The following CDKN2A variants were observed in gnomAD, a reference collection of about 807,000 sequenced individuals.
CDKN2A encodes the protein cyclin dependent kinase inhibitor 2A.
In CDKN2A, 3 loss-of-function variants were observed where a neutral mutation model predicts 11.1. That is an observed-to-expected ratio of 0.27 (90% CI 0.12 to 0.70). CDKN2A has a LOEUF of 0.70. Among genes scored for constraint, CDKN2A ranks in the 30% least tolerant of loss-of-function variants. The pLI, the probability that CDKN2A is intolerant of heterozygous loss-of-function variation, is 0.77. For synonymous variants in CDKN2A, 122 were observed against 108.1 expected (o/e 1.13, Z -0.80); for missense variants, 265 against 233.6 (o/e 1.13, Z -0.88).
rs373665640 is a variant in CDKN2A at position 21,980,990 on chromosome 9, G to GTATA, written c.-3-9786_-3-9783dup. ...AAAAAATGTATATATATATATACACGTATATATATATACGTGTATATATAT... is the reference window on the plus strand; with the variant it reads ...AAAAAATGTATATATATATATACACGTATATATATATATATACGTGTATATATAT... On this transcript the variant is annotated intron_variant, in intron 2 of 3. Coordinates refer to the CDKN2A transcript ENST00000494262. Among the ~76,000 whole-genome samples, 4 of 4,052 alleles carry GTATA rather than the reference G, an allele frequency of 9.9e-4. 2 individuals carry two copies. The highest frequency in any genetic ancestry group is 0.056 in the East Asian group (2 of 36). The allele number at this position is 4,052 out of a possible 152,430, so 2.7% of individuals were successfully genotyped here.
At position 21,968,407 on chromosome 9, in the gene CDKN2A, C is replaced by G; in HGVS notation, c.458-165G>C. 3 of 976,774 alleles carry G rather than the reference C, an allele frequency of 3.1e-6. No individual in the cohort carries two copies. The highest frequency in any genetic ancestry group is 1.2e-6 in the Non-Finnish European group (1 of 821,988). The allele number at this position is 976,774 out of a possible 1,614,324, so 60.5% of individuals were successfully genotyped here. On this transcript the variant is annotated intron_variant, in intron 2 of 2. Transcript: ENST00000304494. The surrounding 1 kb of genome is among the most constrained non-coding windows in gnomAD (Gnocchi z 4.7). ...ACCCGCCGCCACCGCTCTCCCACACCTCCCTGGTCCAGCAGCTAGTCCACT... is the reference window on the plus strand; with the variant it reads ...ACCCGCCGCCACCGCTCTCCCACACGTCCCTGGTCCAGCAGCTAGTCCACT...
chr9:21,990,943 G>A (rs189459775), intron 2 of CDKN2A, among the ~76,000 whole-genome samples: 4 of 152,302 alleles, frequency 2.6e-5, no homozygotes, highest in Admixed American at 2.0e-4. Flanking sequence ...TCTTGATGGT[G>A]AAGTGTTTAA....
chr9:21,990,258 T>C (rs908304026), intron 2 of CDKN2A, among the ~76,000 whole-genome samples: 1 of 152,016 alleles, frequency 6.6e-6, no homozygotes, highest in Non-Finnish European at 1.5e-5. Flanking sequence ...AGCTACGGAT[T>C]TATGGGTTTT....
Position 21,994,283 on chromosome 9 carries a change from G to A in CDKN2A, c.-175-230C>T, listed in dbSNP as rs3731190. 13 of 1,603,884 alleles carry A rather than the reference G, an allele frequency of 8.1e-6. No individual in the cohort carries two copies. In the South Asian group the frequency reaches 1.2e-4, roughly 15 times the overall value. On this transcript the variant is annotated intron_variant, in intron 1 of 3. Coordinates refer to the CDKN2A transcript ENST00000494262. The stretch of plus-strand genomic sequence containing the variant: ...ACCACGAAAACCCTCACTCGCGGCG[G>A]GCCGCACGCGCGCCGAATCCGGAGG...
intron 1 of CDKN2A, 189 bp from the exon 2 acceptor site, chr9:21,971,397 TTCCATTATA>T: frequency 6.9e-7 from 1 of 1,450,352 alleles, no homozygotes; most frequent in Non-Finnish European, 9.0e-7. Flanking sequence ...ACACAATGAA[TTCCATTATA>T]TCCTCCGAAC....
In CDKN2A at chr9:21,968,528, G is replaced by A; in HGVS notation, c.458-286C>T. ...GCGCGACCGCGCGGCCCGCAGGGTT[G>A]CAAGAAGAAAACGAGTGTTATATAA... On this transcript the variant is annotated intron_variant, in intron 2 of 2. Coordinates refer to ENST00000304494, the MANE Select transcript of CDKN2A (RefSeq NM_000077.5). This position sits in a 1 kb window ranked among gnomAD's most constrained non-coding sequence, Gnocchi z 4.7. 6.9e-7 allele frequency: 1 copy of A among 1,450,616 alleles called. No individual in the cohort carries two copies. The highest frequency in any genetic ancestry group is 1.5e-5 in the South Asian group (1 of 68,542). The allele number at this position is 1,450,616 out of a possible 1,614,324, so 89.9% of individuals were successfully genotyped here.
At chr9:21,978,752 T>C (rs893905158), upstream of CDKN2A, among the ~76,000 whole-genome samples, 2 of 152,142 alleles carry the variant, frequency 1.3e-5, no homozygotes, top group Non-Finnish European at 2.9e-5. Context: ...TTCAACAAGC[T>C]CAGAAACTAA....
At chr9:21,987,132 G>A (rs976434060) in intron 2 of CDKN2A, among the ~76,000 whole-genome samples, 3 of 151,772 alleles carry the variant, frequency 2.0e-5, no homozygotes, top group Non-Finnish European at 4.4e-5. Context: ...TCTTATAATT[G>A]TTACTTTTTA....
At chr9:21,985,291 A>G (rs1820275333) in intron 2 of CDKN2A, among the ~76,000 whole-genome samples, 1 of 151,940 alleles carries the variant, frequency 6.6e-6, no homozygotes, top group African/African-American at 2.4e-5. Context: ...AAAGCATACT[A>G]TTTAGTGTAT....
At chr9:21,994,004 G>A (rs1056674080) in exon 2 of CDKN2A, 4 of 974,142 alleles carry the variant, frequency 4.1e-6, no homozygotes, top group Non-Finnish European at 6.3e-6. Flanking sequence ...GTTGTAACCC[G>A]AATGGGGAAG....
At chr9:21,993,667 C>A (rs1820493876) in intron 2 of CDKN2A, among the ~76,000 whole-genome samples, 1 of 152,150 alleles carries the variant, frequency 6.6e-6, no homozygotes, top group Admixed American at 6.5e-5. Context: ...GTCCTCCACT[C>A]TCCTGGAAGG....
At chr9:21,983,975 C>G (rs1054410632) in intron 2 of CDKN2A, among the ~76,000 whole-genome samples, 5 of 151,908 alleles carry the variant, frequency 3.3e-5, no homozygotes, top group African/African-American at 1.2e-4. Context: ...AAATTTACCC[C>G]ATAAGGTTAC....
upstream of CDKN2A, among the ~76,000 whole-genome samples, chr9:21,976,378 CAAAAA>C (rs71336505): frequency 2.4e-5 from 3 of 124,200 alleles, no homozygotes; most frequent in Non-Finnish European, 5.1e-5. Flanking sequence ...GACTCCGACT[CAAAAA>C]AAAAAAAAAA....
In CDKN2A at chr9:21,974,715, G is replaced by C; in HGVS notation, c.113C>G (p.Pro38Arg). ...CCGACCGTAACTATTCGGTGCGTTG[G>C]GCAGCGCCCCCGCCTCCAGCAGCGC... Reference protein sequence around the residue: ...VRALLEAGALPNAPNSYGRRP... With the variant: ...VRALLEAGALRNAPNSYGRRP... Residue 38 changes from proline to arginine, a missense_variant, in exon 1 of 3, where the codon CCC (proline) becomes CGC (arginine). Coordinates refer to ENST00000304494, the MANE Select transcript of CDKN2A (RefSeq NM_000077.5). This position sits in a 1 kb window ranked among gnomAD's most constrained non-coding sequence, Gnocchi z 5.2. 6.2e-7 allele frequency: 1 copy of C among 1,612,098 alleles called. No homozygotes were observed. The highest frequency in any genetic ancestry group is 8.5e-7 in the Non-Finnish European group (1 of 1,179,830).
rs539542856 is a variant in CDKN2A at position 21,986,567 on chromosome 9, C to T, written c.-4+7315G>A. Among the ~76,000 whole-genome samples, 3 of 151,942 alleles carry T rather than the reference C, an allele frequency of 2.0e-5. No homozygotes were observed. The South Asian group carries it at 6.2e-4, about 32-fold the overall frequency. On this transcript the variant is annotated intron_variant, in intron 2 of 3. Transcript: ENST00000494262. ...TACTAGTCAATGACTTTTGGTAGGC[C>T]ATGCAACCTATCTGAGCCTCAGTCT...
Position 21,971,208 on chromosome 9 carries a change from C to G in CDKN2A, c.151G>C (p.Val51Leu), listed in dbSNP as rs762630679. ...ACTCGGGCGCTGCCCATCATCATGA[C>G]CTGCCAGAGAGAACAGAATGGTCAG... is the stretch of plus-strand genomic sequence containing the variant. The part of the protein sequence containing the change: ...PNSYGRRPIQ[V>L]MMMGSARVAE... Residue 51 changes from valine (V) to leucine (L), a missense_variant and splice_region_variant, in exon 2 of 3, where the codon GTC becomes CTC. Physicochemically the swap from Val to Leu is conservative, Grantham distance 32 (BLOSUM62 1). Transcript: ENST00000304494. 5 of 1,597,488 alleles carry G rather than the reference C, an allele frequency of 3.1e-6. No homozygotes were observed. In the South Asian group the frequency reaches 5.5e-5, roughly 18 times the overall value.
chr9:21,986,379 C>G (rs893734782), intron 2 of CDKN2A, among the ~76,000 whole-genome samples: 1 of 151,878 alleles, frequency 6.6e-6, no homozygotes, highest in African/African-American at 2.4e-5. Context: ...TCCTTTCAAC[C>G]AATAAATATT....
rs771582621 is a variant in CDKN2A, at chr9:21,974,815, C to T, written c.13G>A (p.Ala5Thr). 3.7e-6 allele frequency: 6 copies of T among 1,600,602 alleles called. No homozygotes were observed. Among genetic ancestry groups the T allele is most frequent in the Non-Finnish European group, 5.1e-6 (6 of 1,177,040 alleles). The part of the protein sequence containing the change: MEPA[A>T]GSSMEPSADW... ...GCCGAAGGCTCCATGCTGCTCCCCGCCGCCGGCTCCATGCTGCTCCCCGCC... is the reference window on the plus strand; with the variant it reads ...GCCGAAGGCTCCATGCTGCTCCCCGTCGCCGGCTCCATGCTGCTCCCCGCC... The change falls in exon 1 of 3, where the codon GCG becomes ACG. Residue 5 changes from alanine to threonine, a missense_variant. By Grantham distance (58) the Ala-to-Thr change is moderately conservative. Coordinates refer to ENST00000304494, the MANE Select transcript of CDKN2A (RefSeq NM_000077.5). The surrounding 1 kb of genome is among the most constrained non-coding windows in gnomAD (Gnocchi z 5.2).
intron 1 of CDKN2A, among the ~76,000 whole-genome samples, chr9:21,973,393 C>A (rs1316245955): frequency 5.9e-5 from 9 of 152,216 alleles, no homozygotes; most frequent in Non-Finnish European, 1.5e-5. Context: ...AAGCCAACAT[C>A]ATTTCCCCTT....
Sources: allele counts gnomAD v4.1 joint callset (sites outside exome capture counted in the v4.1 genomes callset), GRCh38; gene constraint gnomAD v4.1.1; non-coding constraint Gnocchi (gnomAD v3.1); transcripts MANE v1.5; gene names NCBI Gene and HGNC (gene_info 2026-07-23, HGNC 2026-07-21).